Variants in AGO3 observed in about 807,000 individuals in gnomAD.
AGO3 encodes argonaute RISC catalytic component 3, also known as protein argonaute-3.
Under a neutral mutation model 105.5 loss-of-function variants are expected in AGO3, and 16 were observed. That is an observed-to-expected ratio of 0.15 (90% CI 0.10 to 0.23). The LOEUF (loss-of-function observed/expected upper bound fraction) is 0.23. AGO3 is among the 10% of genes least tolerant of loss of function. The pLI, the probability that AGO3 is intolerant of heterozygous loss-of-function variation, is 1.00. For missense variants in AGO3, 534 were observed against 1,088.0 expected, an observed-to-expected ratio of 0.49 and a Z score of 7.16; for synonymous variants, 340 against 367.3, an observed-to-expected ratio of 0.93 and a Z score of 0.85.
intron 5 of AGO3, among the ~76,000 whole-genome samples, chr1:35,974,305 A>G (rs900267776): frequency 6.6e-6 from 1 of 151,712 alleles, no homozygotes; most frequent in African/African-American, 2.4e-5. Context: ...TCCACACATC[A>G]CATTTGATTA....
chr1:36,001,421 A>G (rs1445070041), intron 5 of AGO3, among the ~76,000 whole-genome samples: 1 of 152,230 alleles, frequency 6.6e-6, no homozygotes, highest in Non-Finnish European at 1.5e-5. Context: ...ACATTCATAC[A>G]GTGGGATATC....
chr1:36,044,595 A>G (rs919552689), intron 17 of AGO3, among the ~76,000 whole-genome samples: 1 of 151,806 alleles, frequency 6.6e-6, no homozygotes, highest in East Asian at 1.9e-4. Flanking sequence ...CACCACACCC[A>G]GTAATTTTTT....
intron 2 of AGO3, among the ~76,000 whole-genome samples, chr1:35,965,489 CAAAAAA>C (rs1171759827): frequency 1.1e-5 from 1 of 87,448 alleles, no homozygotes. Flanking sequence ...GACGCTGTCT[CAAAAAA>C]AAAAAAAAAA....
chr1:35,954,017 G>A (rs752915671), intron 2 of AGO3, among the ~76,000 whole-genome samples: 4 of 151,640 alleles, frequency 2.6e-5, no homozygotes, highest in Non-Finnish European at 4.4e-5. Context: ...TTCTTTTGTC[G>A]CTTGTGATTT....
Position 35,931,220 on chromosome 1 carries a change from C to G in AGO3, c.-207C>G. ...TCCGCGCCTCACATCTCCCCTTCCT[C>G]TCGCCTAGTCCTGTGCCGTTTTCCG... On this transcript the variant is annotated 5_prime_UTR_variant, in exon 1 of 19. Transcript: ENST00000373191. 1 of 413,698 alleles carries G rather than the reference C, an allele frequency of 2.4e-6. No homozygotes were observed. Among genetic ancestry groups the G allele is most frequent in the Non-Finnish European group, 4.3e-6 (1 of 232,634 alleles). 25.6% of individuals were successfully genotyped at this position (413,698 alleles called of 1,614,324 possible). A position where few individuals can be genotyped will look rare whatever the true frequency, so the allele number is the denominator to read the frequency against.
intron 5 of AGO3, among the ~76,000 whole-genome samples, chr1:36,001,500 T>C (rs994474945): frequency 6.6e-6 from 1 of 152,178 alleles, no homozygotes; most frequent in African/African-American, 2.4e-5. Context: ...GTGTTTCTAA[T>C]GTTTTACCAT....
chr1:35,988,287 A>G (rs1174126798), intron 5 of AGO3, among the ~76,000 whole-genome samples: 1 of 152,212 alleles, frequency 6.6e-6, no homozygotes, highest in Non-Finnish European at 1.5e-5. Context: ...ATCACCTCAT[A>G]GGTATGTGAG....
In AGO3 at chr1:36,043,504, C is replaced by A; in HGVS notation, c.2230C>A (p.Pro744Thr). 1 of 1,613,688 alleles carries A rather than the reference C, an allele frequency of 6.2e-7. No individual in the cohort carries two copies. The highest frequency in any genetic ancestry group is 1.3e-5 in the African/African-American group (1 of 74,978). Residue 744 changes from proline to threonine, a missense_variant, in exon 17 of 19, where the codon CCA becomes ACA. Coordinates refer to ENST00000373191, the MANE Select transcript of AGO3 (RefSeq NM_024852.4). ...GTTVDTDITH[P>T]YEFDFYLCSH... ...AACAGTTGATACAGACATTACACAC[C>A]CATATGAGTTCGATTTTTACCTCTG... is the stretch of plus-strand genomic sequence containing the variant.
At chr1:35,935,572 T>G (rs1646133638) in intron 1 of AGO3, among the ~76,000 whole-genome samples, 1 of 152,230 alleles carries the variant, frequency 6.6e-6, no homozygotes. Context: ...GAACATTGCG[T>G]TTTTTAGTTA....
In AGO3 at chr1:36,008,257, A is replaced by C. The variant is rs970476602; in HGVS notation, c.794-433A>C. Reference sequence around the variant, plus strand: ...TGAGCTTTACAAAATTCTGATCTTCAAGCAGTATGTGATGACTGGGCTAGG... The same window carrying C: ...TGAGCTTTACAAAATTCTGATCTTCCAGCAGTATGTGATGACTGGGCTAGG... On this transcript the variant is annotated intron_variant, in intron 6 of 18. Transcript: ENST00000373191. This position sits in a 1 kb window ranked among gnomAD's most constrained non-coding sequence, Gnocchi z 5.1. Among the ~76,000 whole-genome samples, 1 of 152,166 alleles carries C rather than the reference A, an allele frequency of 6.6e-6. No homozygotes were observed. The highest frequency in any genetic ancestry group is 2.4e-5 in the African/African-American group (1 of 41,428).
intron 5 of AGO3, among the ~76,000 whole-genome samples, chr1:35,991,835 T>TA (rs754621482): frequency 2.6e-5 from 4 of 152,138 alleles, no homozygotes; most frequent in Non-Finnish European, 5.9e-5. Context: ...TGTACATGCT[T>TA]ATGCTTCCCT....
chr1:36,052,962 C>T (rs1642777484), intron 17 of AGO3, among the ~76,000 whole-genome samples: 1 of 151,848 alleles, frequency 6.6e-6, no homozygotes, highest in Non-Finnish European at 1.5e-5. Flanking sequence ...GACCCTGTCT[C>T]TAAATAAATA....
In AGO3 at chr1:36,036,211, G is replaced by A; in HGVS notation, c.1786G>A (p.Gly596Arg). ...SVFQQPVIFL[G>R]ADVTHPPAGD... ...GTTCCAGCAACCAGTGATCTTTTTGGGAGCCGATGTCACTCATCCACCTGC... is the reference window on the plus strand; with the variant it reads ...GTTCCAGCAACCAGTGATCTTTTTGAGAGCCGATGTCACTCATCCACCTGC... The change falls in exon 14 of 19, where the codon GGA becomes AGA. Residue 596 changes from glycine (G) to arginine (R), a missense_variant. Physicochemically the swap from Gly to Arg is moderately radical, Grantham distance 125. This residue lies in a region of AGO3 where 373 missense variants were observed against 854.0 expected (regional missense o/e 0.44). Coordinates refer to ENST00000373191, the MANE Select transcript of AGO3 (RefSeq NM_024852.4). 6.2e-7 allele frequency: 1 copy of A among 1,614,042 alleles called. No individual in the cohort carries two copies. The highest frequency in any genetic ancestry group is 8.5e-7 in the Non-Finnish European group (1 of 1,179,984).
At position 36,064,382 on chromosome 1, in the gene AGO3, G is replaced by GAAAATA. The variant is rs897146799; in HGVS notation, c.*8652_*8657dup. On this transcript the variant is annotated 3_prime_UTR_variant, in exon 19 of 19. Transcript: ENST00000373191. ...GCAACAAGAGTGAAACTCCATCTCA[G>GAAAATA]AAAATAAAAATAAAAATAAATAAAA... 9 of 152,004 alleles carry GAAAATA rather than the reference G, an allele frequency of 5.9e-5. No individual in the cohort carries two copies. The highest frequency in any genetic ancestry group is 1.3e-4 in the Non-Finnish European group (9 of 68,018). 9.4% of individuals were successfully genotyped at this position (152,004 alleles called of 1,614,324 possible).
rs142299625 is a variant in AGO3 at position 35,969,250 on chromosome 1, G to A, written c.312+2175G>A. On this transcript the variant is annotated intron_variant, in intron 3 of 18. Coordinates refer to ENST00000373191, the MANE Select transcript of AGO3 (RefSeq NM_024852.4). ...TCTGGATATTAACTATATATATTCT[G>A]GACATTAACTTCTTATCAGATATAT... Among the ~76,000 whole-genome samples the A allele has an allele frequency of 3.1e-3, 466 of 151,982 alleles. 1 individual carries two copies. Among genetic ancestry groups the A allele is most frequent in the Middle Eastern group, 0.01 (3 of 294 alleles).
intron 5 of AGO3, among the ~76,000 whole-genome samples, chr1:35,979,160 T>G (rs1214720859): frequency 6.6e-6 from 1 of 151,986 alleles, no homozygotes; most frequent in Non-Finnish European, 1.5e-5. Flanking sequence ...GTCAGGAGAT[T>G]GAGACCATCC....
intron 11 of AGO3, among the ~76,000 whole-genome samples, chr1:36,020,964 G>A (rs560433415): frequency 1.3e-5 from 2 of 151,764 alleles, no homozygotes; most frequent in African/African-American, 4.8e-5. Context: ...ACGGAGTCTC[G>A]TTCTGTCACC....
In AGO3 at chr1:36,027,072, T is replaced by C. The variant is rs760460957; in HGVS notation, c.1407-42T>C. 1.3e-6 allele frequency: 2 copies of C among 1,563,294 alleles called. No individual in the cohort carries two copies. Among genetic ancestry groups the C allele is most frequent in the East Asian group, 2.2e-5 (1 of 44,460 alleles). Reference sequence around the variant, plus strand: ...CCCATTACTACTTTGTAGGAATTCATGACTAGACAAAGGTTTTATATTTAG... The same window carrying C: ...CCCATTACTACTTTGTAGGAATTCACGACTAGACAAAGGTTTTATATTTAG... On this transcript the variant is annotated intron_variant, in intron 11 of 18. Coordinates refer to ENST00000373191, the MANE Select transcript of AGO3 (RefSeq NM_024852.4). The surrounding 1 kb of genome is among the most constrained non-coding windows in gnomAD (Gnocchi z 4.0).
chr1:35,944,544 C>CTTTTTTTTT (rs761797350), intron 1 of AGO3, among the ~76,000 whole-genome samples: 6 of 105,474 alleles, frequency 5.7e-5, no homozygotes, highest in African/African-American at 1.2e-4. Context: ...ATTTTATTTA[C>CTTTTTTTTT]TTTTTTTTTT....
Sources: gnomAD v4.1 joint callset for allele counts (sites outside exome capture counted in the v4.1 genomes callset) on GRCh38, gnomAD v4.1.1 for gene constraint, gnomAD v4.1.1 regional missense constraint, Gnocchi (gnomAD v3.1) non-coding constraint, MANE v1.5 for transcripts, NCBI Gene and HGNC (gene_info 2026-07-23, HGNC 2026-07-21) for gene names.